ZNF560: variants seen among roughly 807,000 people sequenced by gnomAD.
ZNF560 encodes the protein zinc finger protein 560.
Under a neutral mutation model 81.8 loss-of-function variants are expected in ZNF560, and 54 were observed. The ratio of observed to expected loss-of-function variants is 0.66; its 90% CI spans 0.53 to 0.83. The LOEUF is 0.83. Ranked by LOEUF, ZNF560 falls within the 40% of genes least tolerant of loss-of-function variation. The pLI is 0.00. For synonymous variants in ZNF560, 321 were observed against 317.9 expected, an observed-to-expected ratio of 1.01 and a Z score of -0.10; for missense variants, 940 against 932.4, an observed-to-expected ratio of 1.01 and a Z score of -0.11.
rs2073046083 is a variant in ZNF560, at chr19:9,467,513, A to G, written c.1434T>C (p.Asp478=). The change falls in exon 10 of 10, where the codon GAT becomes GAC. Residue 478 remains aspartate (D), a synonymous_variant. Transcript: ENST00000301480. The part of the protein sequence containing the change: ...AFGTSSGVIE[D]RRSNTGQKRF... ...GTTTCTGTCCTGTGTTACTTCTTCT[A>G]TCTTCAATAACACCTGAGGATGTAC... is the stretch of plus-strand genomic sequence containing the variant. 1 of 1,614,120 alleles carries G rather than the reference A, an allele frequency of 6.2e-7. No individual in the cohort carries two copies. Among genetic ancestry groups the G allele is most frequent in the East Asian group, 2.2e-5 (1 of 44,874 alleles).
At chr19:9,451,308 A>G in the ZNF560 span, among the ~76,000 whole-genome samples, 1 of 152,196 alleles carries the variant, frequency 6.6e-6, no homozygotes, top group African/African-American at 2.4e-5. Flanking sequence ...GTTAAAAAAT[A>G]AAAGAAGCCA....
At chr19:9,491,119 T>A (rs115874017) in intron 2 of ZNF560, among the ~76,000 whole-genome samples, 1 of 152,178 alleles carries the variant, frequency 6.6e-6, no homozygotes, top group African/African-American at 2.4e-5. Context: ...GTTGGTTTTG[T>A]TTTGTTTTTT....
At chr19:9,474,765 C>T (rs904283130) in intron 3 of ZNF560, among the ~76,000 whole-genome samples, 4 of 150,838 alleles carry the variant, frequency 2.7e-5, no homozygotes, top group Admixed American at 2.0e-4. Context: ...CTCAAGTGAT[C>T]GTCCTGCCTC....
At chr19:9,448,578 C>T in the ZNF560 span, among the ~76,000 whole-genome samples, 1 of 151,804 alleles carries the variant, frequency 6.6e-6, no homozygotes, top group African/African-American at 2.4e-5. Context: ...ATGATACCTG[C>T]TACCACAAAA....
At chr19:9,472,463 G>T (rs2073137707) in intron 5 of ZNF560, among the ~76,000 whole-genome samples, 1 of 152,132 alleles carries the variant, frequency 6.6e-6, no homozygotes, top group African/African-American at 2.4e-5. Flanking sequence ...TCCGCCTCTT[G>T]TCAGATCAGC....
At chr19:9,500,307 C>G (rs1330885753), upstream of ZNF560, among the ~76,000 whole-genome samples, 2 of 150,966 alleles carry the variant, frequency 1.3e-5, no homozygotes, top group Non-Finnish European at 2.9e-5. Context: ...ATCACTTGAA[C>G]CTGGGAGGCG....
chr19:9,487,089 T>C (rs2073397377), intron 2 of ZNF560, among the ~76,000 whole-genome samples: 1 of 152,122 alleles, frequency 6.6e-6, no homozygotes, highest in Admixed American at 6.5e-5. Flanking sequence ...TTAGCTTAGA[T>C]TGTGTGGTCC....
chr19:9,473,554 GACA>G (rs1208127036), intron 4 of ZNF560, among the ~76,000 whole-genome samples: 1 of 150,486 alleles, frequency 6.6e-6, no homozygotes, highest in Admixed American at 6.6e-5. Flanking sequence ...CTCCATCCTG[GACA>G]ACAAGAGCAA....
At chr19:9,450,215 C>T in the ZNF560 span, among the ~76,000 whole-genome samples, 106 of 151,344 alleles carry the variant, frequency 7.0e-4, no homozygotes, top group African/African-American at 2.3e-3. Context: ...CATTTGAACC[C>T]GGGAGGCGGA....
intron 2 of ZNF560, among the ~76,000 whole-genome samples, chr19:9,497,009 T>C (rs2073569967): frequency 6.6e-6 from 1 of 151,420 alleles, no homozygotes; most frequent in South Asian, 2.1e-4. Flanking sequence ...TTAAGTGAAA[T>C]AAACCAGGCA....
At chr19:9,489,503 C>T (rs1051436862) in intron 2 of ZNF560, among the ~76,000 whole-genome samples, 1 of 152,192 alleles carries the variant, frequency 6.6e-6, no homozygotes, top group African/African-American at 2.4e-5. Context: ...GGCAGAGGTG[C>T]TCATCACTTG....
At chr19:9,479,422 G>T in intron 2 of ZNF560, among the ~76,000 whole-genome samples, 1 of 152,024 alleles carries the variant, frequency 6.6e-6, no homozygotes, top group East Asian at 1.9e-4. Flanking sequence ...CACACAGATA[G>T]AAACCAAAAG....
the ZNF560 span, among the ~76,000 whole-genome samples, chr19:9,455,483 C>G: frequency 6.6e-6 from 1 of 152,166 alleles, no homozygotes; most frequent in Admixed American, 6.5e-5. Flanking sequence ...ATTAGACGCA[C>G]AAGTGGTCAT....
chr19:9,471,696 AG>A (rs2073125155), intron 5 of ZNF560, among the ~76,000 whole-genome samples: 1 of 152,242 alleles, frequency 6.6e-6, no homozygotes, highest in African/African-American at 2.4e-5. Flanking sequence ...CAAAATATAT[AG>A]TTTCATAAGA....
the ZNF560 span, among the ~76,000 whole-genome samples, chr19:9,456,160 G>A: frequency 1.4e-4 from 21 of 152,238 alleles, no homozygotes; most frequent in African/African-American, 2.6e-4. Context: ...CTTGTCCCCC[G>A]CCACAGCTGG....
At chr19:9,501,264 CA>C (rs1568470810), upstream of ZNF560, among the ~76,000 whole-genome samples, 2 of 148,504 alleles carry the variant, frequency 1.3e-5, no homozygotes, top group Non-Finnish European at 3.0e-5. Context: ...AGGCTCAAGC[CA>C]TCCTCCCACC....
At chr19:9,500,515 G>A (rs1228128161), upstream of ZNF560, among the ~76,000 whole-genome samples, 14 of 151,742 alleles carry the variant, frequency 9.2e-5, no homozygotes, top group East Asian at 1.9e-4. Flanking sequence ...TGAATATCAC[G>A]TTAGCTGTGT....
chr19:9,467,437 A>G lies in ZNF560; in HGVS notation c.1510T>C (p.Phe504Leu). Residue 504 changes from phenylalanine (F) to leucine (L), a missense_variant, in exon 10 of 10, where the codon TTT (phenylalanine) becomes CTT (leucine). By Grantham distance (22) the Phe-to-Leu change is conservative. Coordinates refer to ENST00000301480, the MANE Select transcript of ZNF560 (RefSeq NM_152476.3). ...CCAGTGTGAGTTCTCAAATGAGCAA[A>G]AAGAGATGAGAAAGAAACAAAGACT... Reference protein sequence around the residue: ...GKVFVSFSSLFAHLRTHTGEK... With the variant: ...GKVFVSFSSLLAHLRTHTGEK... 5 of 1,613,340 alleles carry G rather than the reference A, an allele frequency of 3.1e-6. No homozygotes were observed. The highest frequency in any genetic ancestry group is 4.2e-6 in the Non-Finnish European group (5 of 1,179,782).
chr19:9,474,369 A>G (rs1167987527), intron 3 of ZNF560, 44 bp from the exon 4 acceptor site: 1 of 1,575,058 alleles, frequency 6.3e-7, no homozygotes, highest in East Asian at 2.2e-5. Flanking sequence ...GTAACAGATT[A>G]ACCAGTGTTC....
Sources: allele counts gnomAD v4.1 joint callset (sites outside exome capture counted in the v4.1 genomes callset), GRCh38; gene constraint gnomAD v4.1.1; transcripts MANE v1.5; gene names NCBI Gene and HGNC (gene_info 2026-07-23, HGNC 2026-07-21).